Variants in ITFG1 observed in about 807,000 individuals in gnomAD.
The protein encoded by ITFG1 is T-cell immunomodulatory protein.
ITFG1 carries 34 observed loss-of-function variants against 81.8 expected under a neutral mutation model. The ratio of observed to expected loss-of-function variants is 0.42; its 90% CI spans 0.32 to 0.55. The LOEUF is 0.55. Among genes scored for constraint, ITFG1 ranks in the 20% least tolerant of loss-of-function variants. The pLI, the probability that ITFG1 is intolerant of heterozygous loss-of-function variation, is 0.17. For missense variants in ITFG1, 672 were observed against 755.4 expected (o/e 0.89, Z 1.29); for synonymous variants, 285 against 270.6 (o/e 1.05, Z -0.52).
intron 6 of ITFG1, among the ~76,000 whole-genome samples, chr16:47,382,694 C>A (rs1968411222): frequency 6.6e-6 from 1 of 152,114 alleles, no homozygotes; most frequent in African/African-American, 2.4e-5. Flanking sequence ...TTATTTATTT[C>A]AGATTGTATA....
intron 7 of ITFG1, among the ~76,000 whole-genome samples, chr16:47,368,783 T>C (rs944481884): frequency 1.3e-5 from 2 of 152,150 alleles, no homozygotes; most frequent in African/African-American, 4.8e-5. Context: ...TATAACCTCA[T>C]GATTTATCTC....
intron 14 of ITFG1, among the ~76,000 whole-genome samples, chr16:47,173,282 T>A (rs890053590): frequency 6.6e-6 from 1 of 152,186 alleles, no homozygotes. Context: ...TTAAATAACT[T>A]ACTTAGTATG....
At chr16:47,205,701 C>T (rs573069752) in intron 14 of ITFG1, among the ~76,000 whole-genome samples, 2 of 152,168 alleles carry the variant, frequency 1.3e-5, no homozygotes, top group Non-Finnish European at 2.9e-5. Flanking sequence ...CATACTTCAA[C>T]AGACTTCATC....
chr16:47,355,760 C>A (rs1968031644), intron 8 of ITFG1, among the ~76,000 whole-genome samples: 1 of 152,060 alleles, frequency 6.6e-6, no homozygotes, highest in African/African-American at 2.4e-5. Flanking sequence ...ATATCAAAAT[C>A]ACTATTGCTT....
At chr16:47,187,264 T>C (rs990732387) in intron 14 of ITFG1, among the ~76,000 whole-genome samples, 2 of 152,142 alleles carry the variant, frequency 1.3e-5, no homozygotes, top group Non-Finnish European at 2.9e-5. Flanking sequence ...AAAACTACTT[T>C]AACGTTCATA....
At chr16:47,435,748 G>A (rs1002015115) in intron 5 of ITFG1, among the ~76,000 whole-genome samples, 1 of 152,058 alleles carries the variant, frequency 6.6e-6, no homozygotes, top group South Asian at 2.1e-4. Context: ...TTAGTCCTGC[G>A]GTCTTCAAAC....
At chr16:47,215,180 C>T (rs1394429726) in intron 14 of ITFG1, among the ~76,000 whole-genome samples, 1 of 152,142 alleles carries the variant, frequency 6.6e-6, no homozygotes, top group Non-Finnish European at 1.5e-5. Context: ...TAAATGTAGT[C>T]ATCCTCTTCC....
At chr16:47,345,542 G>T (rs181146197) in intron 8 of ITFG1, among the ~76,000 whole-genome samples, 1 of 151,940 alleles carries the variant, frequency 6.6e-6, no homozygotes, top group Non-Finnish European at 1.5e-5. Context: ...CAAGAGATCC[G>T]CCCACCTTGG....
intron 12 of ITFG1, among the ~76,000 whole-genome samples, chr16:47,243,820 T>A (rs1466470125): frequency 6.6e-6 from 1 of 152,124 alleles, no homozygotes; most frequent in Non-Finnish European, 1.5e-5. Flanking sequence ...GTGGGTGGAT[T>A]AGGAATTCGA....
In ITFG1 at chr16:47,260,666, A is replaced by C. The variant is rs770104629; in HGVS notation, c.1100T>G (p.Val367Gly). The C allele has an allele frequency of 8.9e-5, 144 of 1,614,062 alleles. 1 individual carries two copies. The highest frequency in any genetic ancestry group is 1.1e-4 in the Non-Finnish European group (133 of 1,180,040). The change falls in exon 11 of 18, where the codon GTC becomes GGC. Residue 367 changes from valine to glycine, a missense_variant. Physicochemically the swap from Val to Gly is moderately radical, Grantham distance 109 (BLOSUM62 -3). This residue lies in a region of ITFG1 where 560 missense variants were observed against 625.7 expected (regional missense o/e 0.90). Transcript: ENST00000320640. ...TTCACAGCTTGCATTATTACAAGGG[A>C]CGTTCTCCAGTAAAAAGGCCTGCTG... Reference protein sequence around the residue: ...SNQQAFLLENVPCNNASCEEA... With the variant: ...SNQQAFLLENGPCNNASCEEA...
chr16:47,230,731 G>A (rs954481955), intron 13 of ITFG1, among the ~76,000 whole-genome samples: 2 of 152,164 alleles, frequency 1.3e-5, no homozygotes, highest in Non-Finnish European at 2.9e-5. Flanking sequence ...TAGTGCTGCA[G>A]AGGTCAACTG....
intron 8 of ITFG1, among the ~76,000 whole-genome samples, chr16:47,339,757 T>G (rs1967756793): frequency 1.3e-5 from 2 of 151,850 alleles, no homozygotes; most frequent in South Asian, 2.1e-4. Context: ...CCATATGCAT[T>G]ATAAAACTGC....
chr16:47,439,867 T>A (rs1311120231), intron 5 of ITFG1, among the ~76,000 whole-genome samples: 1 of 152,080 alleles, frequency 6.6e-6, no homozygotes, highest in African/African-American at 2.4e-5. Context: ...GGCTCAATGC[T>A]CCAATTAAAA....
In ITFG1 at chr16:47,460,853, A is replaced by G. The variant is rs138191227; in HGVS notation, c.193T>C (p.Phe65Leu). Residue 65 changes from phenylalanine (F) to leucine (L), a missense_variant, in exon 1 of 18, where the codon TTC becomes CTC. By Grantham distance (22) the Phe-to-Leu change is conservative (BLOSUM62 0). Transcript: ENST00000320640. ...DLNSDKQTDLFVLRERNDLIV... is the reference protein window; with the variant it reads ...DLNSDKQTDLLVLRERNDLIV... ...AAGCACTGACTTTCCCGCAGCACGA[A>G]GAGATCCGTCTGCTTGTCGGAGTTG... 1.9e-6 allele frequency: 3 copies of G among 1,613,226 alleles called. No individual in the cohort carries two copies. The highest frequency in any genetic ancestry group is 2.7e-5 in the African/African-American group (2 of 75,032).
chr16:47,341,323 A>G (rs1967779473), intron 8 of ITFG1, among the ~76,000 whole-genome samples: 1 of 148,586 alleles, frequency 6.7e-6, no homozygotes, highest in African/African-American at 2.5e-5. Context: ...TTGTAATCCT[A>G]GCTACTCTGG....
At chr16:47,226,531 C>G (rs902736972) in intron 13 of ITFG1, among the ~76,000 whole-genome samples, 1 of 119,256 alleles carries the variant, frequency 8.4e-6, no homozygotes, top group East Asian at 3.1e-4. Context: ...CCTCCCCCCA[C>G]CCCACAACAG....
intron 5 of ITFG1, among the ~76,000 whole-genome samples, chr16:47,440,491 A>G (rs1226681048): frequency 6.6e-6 from 1 of 152,232 alleles, no homozygotes; most frequent in East Asian, 1.9e-4. Context: ...ACTGTCTCTC[A>G]GACCACATTG....
chr16:47,289,425 A>T (rs775535571), intron 10 of ITFG1, among the ~76,000 whole-genome samples: 12 of 152,288 alleles, frequency 7.9e-5, no homozygotes, highest in Non-Finnish European at 1.3e-4. Context: ...AAGAATTGAT[A>T]TTAGTTCTTT....
At chr16:47,265,424 T>C (rs1046780983) in intron 10 of ITFG1, among the ~76,000 whole-genome samples, 1 of 151,994 alleles carries the variant, frequency 6.6e-6, no homozygotes, top group Non-Finnish European at 1.5e-5. Flanking sequence ...TTAAGGAGAA[T>C]CAACTGTCTA....
Sources: allele counts gnomAD v4.1 joint callset (sites outside exome capture counted in the v4.1 genomes callset), GRCh38; gene constraint gnomAD v4.1.1; regional missense constraint gnomAD v4.1.1; transcripts MANE v1.5; gene names NCBI Gene and HGNC (gene_info 2026-07-23, HGNC 2026-07-21).